CCDC6: variants seen among roughly 807,000 people sequenced by gnomAD.
The protein encoded by CCDC6 is coiled-coil domain-containing protein 6.
A neutral mutation model predicts 56.6 loss-of-function variants in CCDC6; 20 were observed. The observed-to-expected ratio is 0.35, with a 90% confidence interval of 0.25 to 0.51. The LOEUF (loss-of-function observed/expected upper bound fraction) is 0.51. Ranked by LOEUF, CCDC6 falls within the 20% of genes least tolerant of loss-of-function variation. The pLI, the probability that CCDC6 is intolerant of heterozygous loss-of-function variation, is 0.95. For synonymous variants in CCDC6, 241 were observed against 234.4 expected (o/e 1.03, Z -0.26); for missense variants, 367 against 601.1 (o/e 0.61, Z 4.07).
chr10:59,814,283 C>T (rs759958235), intron 4 of CCDC6, among the ~76,000 whole-genome samples: 10 of 152,080 alleles, frequency 6.6e-5, no homozygotes, highest in Admixed American at 1.3e-4. Context: ...AATAATAGTA[C>T]GCAGTATACC....
chr10:59,816,948 G>A (rs189278758), intron 3 of CCDC6, among the ~76,000 whole-genome samples: 2 of 152,298 alleles, frequency 1.3e-5, no homozygotes, highest in African/African-American at 2.4e-5. Flanking sequence ...ATTTGATTCT[G>A]AAGAACAGTT....
intron 1 of CCDC6, among the ~76,000 whole-genome samples, chr10:59,884,313 G>A (rs965325372): frequency 2.0e-5 from 3 of 152,220 alleles, no homozygotes; most frequent in Admixed American, 6.5e-5. Flanking sequence ...AAGGATTTCA[G>A]GTCGAGACAG....
At chr10:59,823,624 A>C (rs567160777) in intron 3 of CCDC6, among the ~76,000 whole-genome samples, 1 of 152,204 alleles carries the variant, frequency 6.6e-6, no homozygotes, top group East Asian at 1.9e-4. Flanking sequence ...CTCTTGCCCT[A>C]ATGTGATTTA....
chr10:59,829,375 T>A (rs2070816145), intron 3 of CCDC6, among the ~76,000 whole-genome samples: 1 of 152,238 alleles, frequency 6.6e-6, no homozygotes, highest in South Asian at 2.1e-4. Flanking sequence ...GTTTCCACAA[T>A]TTTAAGGAGA....
intron 5 of CCDC6, among the ~76,000 whole-genome samples, chr10:59,807,305 T>G (rs2070633624): frequency 1.3e-5 from 2 of 152,040 alleles, no homozygotes; most frequent in Non-Finnish European, 2.9e-5. Context: ...GCTAACATGG[T>G]GAAACTCAGT....
At chr10:59,865,345 C>T (rs1007777715) in intron 1 of CCDC6, among the ~76,000 whole-genome samples, 2 of 152,268 alleles carry the variant, frequency 1.3e-5, no homozygotes, top group African/African-American at 4.8e-5. Context: ...GATAAAGTGA[C>T]CTCTGCAACA....
At chr10:59,837,607 G>A (rs762814186) in intron 2 of CCDC6, among the ~76,000 whole-genome samples, 4 of 151,966 alleles carry the variant, frequency 2.6e-5, no homozygotes, top group African/African-American at 9.7e-5. Flanking sequence ...TTAGCCAGGC[G>A]TGGTGGCATG....
chr10:59,811,905 A>C (rs1382301549), intron 5 of CCDC6, among the ~76,000 whole-genome samples: 1 of 152,206 alleles, frequency 6.6e-6, no homozygotes, highest in African/African-American at 2.4e-5. Context: ...CTGTATGTGT[A>C]TAAATAAGTT....
chr10:59,810,479 G>A (rs533595980), intron 5 of CCDC6, among the ~76,000 whole-genome samples: 2 of 149,378 alleles, frequency 1.3e-5, no homozygotes, highest in South Asian at 4.2e-4. Context: ...GCACGATGGA[G>A]CAGTATAAAG....
intron 2 of CCDC6, among the ~76,000 whole-genome samples, chr10:59,848,155 C>G (rs941867040): frequency 6.6e-6 from 1 of 152,190 alleles, no homozygotes; most frequent in African/African-American, 2.4e-5. Context: ...CTACCCAGAA[C>G]TGCCAAGACA....
At chr10:59,851,408 G>A (rs2071038168) in intron 2 of CCDC6, among the ~76,000 whole-genome samples, 1 of 152,058 alleles carries the variant, frequency 6.6e-6, no homozygotes, top group African/African-American at 2.4e-5. Context: ...TAATGCCTGG[G>A]TACCTATTCT....
At chr10:59,818,491 T>C (rs1393885011) in intron 3 of CCDC6, among the ~76,000 whole-genome samples, 2 of 83,726 alleles carry the variant, frequency 2.4e-5, no homozygotes, top group Admixed American at 2.2e-4. Flanking sequence ...TATTATAATG[T>C]TGACGGGGGG....
At chr10:59,831,019 A>G (rs1001260818) in intron 3 of CCDC6, among the ~76,000 whole-genome samples, 11 of 152,236 alleles carry the variant, frequency 7.2e-5, no homozygotes, top group Admixed American at 2.0e-4. Context: ...ATTAACAAGT[A>G]AATACTTGGT....
intron 1 of CCDC6, among the ~76,000 whole-genome samples, chr10:59,854,679 A>C (rs1028411950): frequency 6.6e-6 from 1 of 152,158 alleles, no homozygotes; most frequent in African/African-American, 2.4e-5. Context: ...CTCCCCCTTT[A>C]AATCAATCCC....
chr10:59,843,704 C>T (rs2070962855), intron 2 of CCDC6, among the ~76,000 whole-genome samples: 1 of 152,194 alleles, frequency 6.6e-6, no homozygotes, highest in Non-Finnish European at 1.5e-5. Context: ...ATGATAGTAA[C>T]TTGCTCCAGA....
intron 1 of CCDC6, among the ~76,000 whole-genome samples, chr10:59,878,489 T>G (rs866901454): frequency 1.3e-5 from 2 of 152,276 alleles, no homozygotes; most frequent in African/African-American, 4.8e-5. Flanking sequence ...ATCTATCCCA[T>G]GAAACCAAAT....
In CCDC6 at chr10:59,807,061, G is replaced by C; in HGVS notation, c.865C>G (p.Gln289Glu). 6.2e-7 allele frequency: 1 copy of C among 1,613,414 alleles called. No individual in the cohort carries two copies. Among genetic ancestry groups the C allele is most frequent in the Non-Finnish European group, 8.5e-7 (1 of 1,179,788 alleles). ...AQLQHSEKMA[Q>E]YLEEERHMRE... The stretch of plus-strand genomic sequence containing the variant: ...ATGTGACGTTCCTCCTCCAGATACT[G>C]TGCCATTTTCTCTGAATCTGAAAAG... Residue 289 changes from glutamine to glutamate, a missense_variant, in exon 6 of 9, where the codon CAG becomes GAG. Coordinates refer to ENST00000263102, the MANE Select transcript of CCDC6 (RefSeq NM_005436.5).
At chr10:59,837,782 A>C (rs6479660) in intron 2 of CCDC6, among the ~76,000 whole-genome samples, 56,289 of 140,610 alleles carry the variant, frequency 0.4, 11,764 homozygotes, top group African/African-American at 0.48. Flanking sequence ...AAAGAAGAAG[A>C]AGCTTGAGAG....
chr10:59,835,832 A>T (rs1174497346), intron 2 of CCDC6, among the ~76,000 whole-genome samples: 1 of 152,136 alleles, frequency 6.6e-6, no homozygotes, highest in Non-Finnish European at 1.5e-5. Flanking sequence ...CCGAAGCAAG[A>T]GGATCGCTTG....
Sources: allele counts gnomAD v4.1 joint callset (sites outside exome capture counted in the v4.1 genomes callset), GRCh38; gene constraint gnomAD v4.1.1; transcripts MANE v1.5; gene names NCBI Gene and HGNC (gene_info 2026-07-23, HGNC 2026-07-21).